Variants in SHMT1 observed in about 807,000 individuals in gnomAD.
SHMT1 encodes the protein serine hydroxymethyltransferase, cytosolic.
In SHMT1, 45 loss-of-function variants were observed where a neutral mutation model predicts 49.0. The ratio of observed to expected loss-of-function variants is 0.92; its 90% confidence interval spans 0.72 to 1.18. The LOEUF (loss-of-function observed/expected upper bound fraction) is 1.18, where lower values mean the gene tolerates loss of function less well. Ranked by LOEUF, SHMT1 falls within the 50% of genes most tolerant of loss-of-function variation. SHMT1 has a pLI of 0.00. For missense variants in SHMT1, 541 were observed against 612.4 expected (o/e 0.88, Z 1.23); for synonymous variants, 232 against 246.6 (o/e 0.94, Z 0.55).
intron 5 of SHMT1, 96 bp downstream of exon 5, chr17:18,347,400 T>C: frequency 7.2e-7 from 1 of 1,383,350 alleles, no homozygotes; most frequent in South Asian, 1.2e-5. Context: ...GGGGACTTCC[T>C]GTAGTGACAC....
At chr17:18,343,844 C>G (rs1476449834) in intron 5 of SHMT1, among the ~76,000 whole-genome samples, 1 of 149,726 alleles carries the variant, frequency 6.7e-6, no homozygotes, top group Non-Finnish European at 1.5e-5. Context: ...CGCTTGAGCC[C>G]AGGAGGCAGA....
At chr17:18,336,442 G>T (rs1983800553) in intron 7 of SHMT1, among the ~76,000 whole-genome samples, 1 of 152,130 alleles carries the variant, frequency 6.6e-6, no homozygotes, top group African/African-American at 2.4e-5. Context: ...GAGGCAGGTG[G>T]ATCAATTAAG....
At chr17:18,347,803 C>T in intron 4 of SHMT1, 147 bp from the exon 5 acceptor site, 1 of 837,454 alleles carries the variant, frequency 1.2e-6, no homozygotes, top group Non-Finnish European at 1.9e-6. Flanking sequence ...CCCTTCACCA[C>T]CAGCCTTGAG....
At position 18,348,413 on chromosome 17, in the gene SHMT1, A is replaced by G. The variant is rs1228030578; in HGVS notation, c.270T>C (p.Asp90=). 1.2e-6 allele frequency: 2 copies of G among 1,613,820 alleles called. No individual in the cohort carries two copies. Among genetic ancestry groups the G allele is most frequent in the Admixed American group, 3.3e-5 (2 of 60,008 alleles). ...QRYYGGTEFI[D]ELETLCQKRA... ...GCTTCTGACAGAGGGTCTCCAGTTCATCAATAAACTCAGTCCCGCCATAGT... is the reference window on the plus strand; with the variant it reads ...GCTTCTGACAGAGGGTCTCCAGTTCGTCAATAAACTCAGTCCCGCCATAGT... Residue 90 remains aspartate, a synonymous_variant, in exon 4 of 12, where the codon GAT becomes GAC. Coordinates refer to ENST00000316694, the MANE Select transcript of SHMT1 (RefSeq NM_004169.5).
At chr17:18,337,602 C>A (rs1291232471) in intron 7 of SHMT1, among the ~76,000 whole-genome samples, 1 of 148,134 alleles carries the variant, frequency 6.8e-6, no homozygotes, top group Non-Finnish European at 1.5e-5. Flanking sequence ...TCCCTTTCCA[C>A]GGTCTCCCTC....
At chr17:18,354,687 A>G (rs1206300803) in intron 2 of SHMT1, among the ~76,000 whole-genome samples, 1 of 152,074 alleles carries the variant, frequency 6.6e-6, no homozygotes, top group African/African-American at 2.4e-5. Context: ...TTTTATTCCT[A>G]CATTTCACCA....
At position 18,335,694 on chromosome 17, in the gene SHMT1, C is replaced by G; in HGVS notation, c.815-19G>C. The G allele has an allele frequency of 6.4e-7, 1 of 1,550,536 alleles. No homozygotes were observed. Among genetic ancestry groups the G allele is most frequent in the South Asian group, 1.1e-5 (1 of 89,680 alleles). ...TTCACTCCTGGAGGAAGAAAAACAT[C>G]ACAGTGGGATCATAGGGGCTGTCCC... On this transcript the variant is annotated intron_variant, in intron 7 of 11. Transcript: ENST00000316694.
At chr17:18,356,496 T>C (rs1407763476) in intron 1 of SHMT1, among the ~76,000 whole-genome samples, 1 of 152,104 alleles carries the variant, frequency 6.6e-6, no homozygotes, top group African/African-American at 2.4e-5. Flanking sequence ...CCACTACGCC[T>C]GGCTAATTTG....
intron 3 of SHMT1, among the ~76,000 whole-genome samples, chr17:18,352,368 G>A (rs1439174283): frequency 2.6e-5 from 4 of 151,976 alleles, no homozygotes; most frequent in South Asian, 2.1e-4. Context: ...GGATGGTCTC[G>A]ATCTCCTGAC....
At chr17:18,334,597 G>A (rs1983595438) in intron 8 of SHMT1, among the ~76,000 whole-genome samples, 1 of 152,196 alleles carries the variant, frequency 6.6e-6, no homozygotes, top group African/African-American at 2.4e-5. Context: ...GCGCAGGTAG[G>A]AGGTGCAGCC....
intron 7 of SHMT1, among the ~76,000 whole-genome samples, chr17:18,338,300 C>T (rs1397093103): frequency 4.6e-5 from 7 of 151,540 alleles, no homozygotes; most frequent in African/African-American, 1.5e-4. Context: ...GCCTGGCAGT[C>T]GCCCCGTCTG....
In SHMT1 at chr17:18,355,874, CA is replaced by C; in HGVS notation, c.96+11del. 2 of 1,597,786 alleles carry C rather than the reference CA, an allele frequency of 1.3e-6. No individual in the cohort carries two copies. Among genetic ancestry groups the C allele is most frequent in the Non-Finnish European group, 1.7e-6 (2 of 1,165,366 alleles). On this transcript the variant is annotated intron_variant, in intron 2 of 11. Coordinates refer to ENST00000316694, the MANE Select transcript of SHMT1 (RefSeq NM_004169.5). ...AACATAAAAAAATCTGTGAAGACCCCAAAAATCTCACCTCAACATCACTGTC... is the reference window on the plus strand; with the variant it reads ...AACATAAAAAAATCTGTGAAGACCCCAAAATCTCACCTCAACATCACTGTC...
rs1982824312 is a variant in SHMT1, at chr17:18,328,725, G to C, written c.*25C>G. The C allele has an allele frequency of 1.3e-6, 2 of 1,551,354 alleles. No individual in the cohort carries two copies. Among genetic ancestry groups the C allele is most frequent in the Non-Finnish European group, 1.7e-6 (2 of 1,148,166 alleles). ...CAGGCAGCTTCCTCTGTGGCGCCAG[G>C]TGGGTCCAGAGTGGGCCCGCTCCTT... On this transcript the variant is annotated 3_prime_UTR_variant, in exon 12 of 12. Transcript: ENST00000316694.
At chr17:18,343,933 A>AG (rs1984803730) in intron 5 of SHMT1, among the ~76,000 whole-genome samples, 1 of 151,596 alleles carries the variant, frequency 6.6e-6, no homozygotes, top group East Asian at 1.9e-4. Context: ...AAAAAAAAAA[A>AG]AAAAAAAGTC....
rs1183029429 is a variant in SHMT1 at position 18,363,480 on chromosome 17, C to G, written c.-128G>C. On this transcript the variant is annotated 5_prime_UTR_variant, in exon 1 of 12. Transcript: ENST00000316694. Reference sequence around the variant, plus strand: ...CAGCCACGTGACCAGCCGCTCCAACCCCAAACCCCGAACTTGGCGCTGGAC... The same window carrying G: ...CAGCCACGTGACCAGCCGCTCCAACGCCAAACCCCGAACTTGGCGCTGGAC... 1 of 152,918 alleles carries G rather than the reference C, an allele frequency of 6.5e-6. No homozygotes were observed. Among genetic ancestry groups the G allele is most frequent in the Non-Finnish European group, 1.5e-5 (1 of 68,640 alleles). 9.5% of individuals were successfully genotyped at this position (152,918 alleles called of 1,614,324 possible).
At chr17:18,362,134 T>C (rs1986833344) in intron 1 of SHMT1, among the ~76,000 whole-genome samples, 1 of 152,146 alleles carries the variant, frequency 6.6e-6, no homozygotes, top group Non-Finnish European at 1.5e-5. Context: ...GAAGAGGAAA[T>C]TGAGGCCCAG....
chr17:18,354,894 C>A (rs1210478857), intron 2 of SHMT1, among the ~76,000 whole-genome samples: 10,207 of 132,410 alleles, frequency 0.077, 573 homozygotes, highest in South Asian at 0.13. Context: ...AAAAATAATA[C>A]AAAAAATTAG....
In SHMT1 at chr17:18,328,737, T is replaced by C; in HGVS notation, c.*13A>G. 2.6e-6 allele frequency: 4 copies of C among 1,554,960 alleles called. No individual in the cohort carries two copies. Among genetic ancestry groups the C allele is most frequent in the Middle Eastern group, 2.3e-4 (1 of 4,414 alleles). ...TCTGTGGCGCCAGGTGGGTCCAGAG[T>C]GGGCCCGCTCCTTTAGAAGTCAGGC... On this transcript the variant is annotated 3_prime_UTR_variant, in exon 12 of 12. Coordinates refer to ENST00000316694, the MANE Select transcript of SHMT1 (RefSeq NM_004169.5).
rs148377107 is a variant in SHMT1, at chr17:18,340,089, G to T, written c.768C>A (p.His256Gln). The T allele has an allele frequency of 3.3e-5, 54 of 1,614,002 alleles. No homozygotes were observed. Among genetic ancestry groups the T allele is most frequent in the African/African-American group, 1.7e-4 (13 of 74,938 alleles). The part of the protein sequence containing the change: ...EHCHVVTTTT[H>Q]KTLRGCRAGM... ...CAGCTCGGCAGCCTCGCAGGGTCTTGTGAGTGGTGGTGGTCACCACATGGC... is the reference window on the plus strand; with the variant it reads ...CAGCTCGGCAGCCTCGCAGGGTCTTTTGAGTGGTGGTGGTCACCACATGGC... The change falls in exon 7 of 12, where the codon CAC becomes CAA. Residue 256 changes from histidine (H) to glutamine (Q), a missense_variant. By Grantham distance (24) the His-to-Gln change is conservative (BLOSUM62 0). Transcript: ENST00000316694. This position sits in a 1 kb window ranked among gnomAD's most constrained non-coding sequence, Gnocchi z 4.5.
Sources: gnomAD v4.1 joint callset for allele counts (sites outside exome capture counted in the v4.1 genomes callset) on GRCh38, gnomAD v4.1.1 for gene constraint, Gnocchi (gnomAD v3.1) non-coding constraint, MANE v1.5 for transcripts, NCBI Gene and HGNC (gene_info 2026-07-23, HGNC 2026-07-21) for gene names.